SYN3: variants seen among roughly 807,000 people sequenced by gnomAD.
The protein encoded by SYN3 is synapsin III, also known as synapsin-3.
SYN3 carries 35 observed loss-of-function variants against 65.8 expected under a neutral mutation model. The ratio of observed to expected loss-of-function variants is 0.53; its 90% CI spans 0.41 to 0.70. The LOEUF (loss-of-function observed/expected upper bound fraction) is 0.70, where lower values mean the gene tolerates loss of function less well. Among genes scored for constraint, SYN3 ranks in the 30% least tolerant of loss-of-function variants. The pLI, the probability that SYN3 is intolerant of heterozygous loss-of-function variation, is 0.00. For synonymous variants in SYN3, 270 were observed against 292.9 expected (o/e 0.92, Z 0.80); for missense variants, 680 against 749.0 (o/e 0.91, Z 1.08).
chr22:32,706,575 G>A (rs983811063), intron 6 of SYN3, among the ~76,000 whole-genome samples: 2 of 152,226 alleles, frequency 1.3e-5, no homozygotes, highest in Non-Finnish European at 2.9e-5. Context: ...GAATTCTTCA[G>A]GCAGAAGTGG....
intron 6 of SYN3, among the ~76,000 whole-genome samples, chr22:32,840,686 G>A (rs113966401): frequency 6.6e-6 from 1 of 152,038 alleles, no homozygotes; most frequent in Non-Finnish European, 1.5e-5. Context: ...TTCCTCCTCT[G>A]GATTCAGACG....
intron 6 of SYN3, among the ~76,000 whole-genome samples, chr22:32,756,988 T>G (rs2045308296): frequency 6.6e-6 from 1 of 150,982 alleles, no homozygotes; most frequent in African/African-American, 2.4e-5. Flanking sequence ...GATTAACAAC[T>G]GTCGGAAATG....
chr22:32,716,719 T>C (rs916409686), intron 6 of SYN3, among the ~76,000 whole-genome samples: 3 of 152,040 alleles, frequency 2.0e-5, no homozygotes, highest in Admixed American at 6.6e-5. Context: ...GACAGGGTTT[T>C]GCCATGTTGC....
intron 6 of SYN3, among the ~76,000 whole-genome samples, chr22:32,740,409 G>A (rs2061389673): frequency 6.6e-6 from 1 of 152,188 alleles, no homozygotes; most frequent in African/African-American, 2.4e-5. Context: ...ACCCTTTGAG[G>A]GAACTGGTCA....
rs545616109 is a variant in SYN3, at chr22:32,687,802, T to C, written c.712-91066A>G. On this transcript the variant is annotated intron_variant, in intron 6 of 13. Coordinates refer to ENST00000358763, the MANE Select transcript of SYN3 (RefSeq NM_003490.4). ...TCTCTGTTCACATCTCTCCCTATTGTTAATTCCAAAGAATCCCTGTGGTCT... is the reference window on the plus strand; with the variant it reads ...TCTCTGTTCACATCTCTCCCTATTGCTAATTCCAAAGAATCCCTGTGGTCT... 3.3e-5 allele frequency among the ~76,000 whole-genome samples: 5 copies of C among 152,302 alleles called. No individual in the cohort carries two copies. In the South Asian group the frequency reaches 1.0e-3, roughly 32 times the overall value.
intron 6 of SYN3, among the ~76,000 whole-genome samples, chr22:32,699,923 G>A (rs566692615): frequency 6.6e-6 from 1 of 152,204 alleles, no homozygotes; most frequent in Admixed American, 6.5e-5. Flanking sequence ...AAATAGAAGA[G>A]CACTTTGAGG....
At chr22:32,960,132 G>A (rs191945864) in intron 3 of SYN3, among the ~76,000 whole-genome samples, 13 of 152,262 alleles carry the variant, frequency 8.5e-5, no homozygotes, top group Admixed American at 1.3e-4. Flanking sequence ...TTTGACCCCT[G>A]GGCCTTGCTG....
intron 5 of SYN3, among the ~76,000 whole-genome samples, chr22:32,866,341 CAGGG>C (rs1183412768): frequency 1.3e-5 from 2 of 152,158 alleles, no homozygotes; most frequent in African/African-American, 4.8e-5. Flanking sequence ...TGCAGCACAA[CAGGG>C]AGTCAACTTC....
intron 6 of SYN3, among the ~76,000 whole-genome samples, chr22:32,697,023 C>G (rs1267751462): frequency 6.6e-6 from 1 of 152,188 alleles, no homozygotes; most frequent in Non-Finnish European, 1.5e-5. Flanking sequence ...TCCACAGAAC[C>G]ATAACTCACT....
At position 32,564,953 on chromosome 22, in the gene SYN3, CTGGA is replaced by C. The variant is rs1178305074; in HGVS notation, c.775-23244_775-23241del. Among the ~76,000 whole-genome samples the C allele has an allele frequency of 2.9e-3, 261 of 91,504 alleles. 8 individuals are homozygous for C. The East Asian group carries it at 0.066, about 23-fold the overall frequency. The allele number at this position is 91,504 out of a possible 152,430, so 60.0% of individuals were successfully genotyped here. ...CCCGGATTGTACCCAAACAGTGCTCCTGGACTGCACCCAAACAGTGCTCCTGGAC... is the reference window on the plus strand; with the variant it reads ...CCCGGATTGTACCCAAACAGTGCTCCCTGCACCCAAACAGTGCTCCTGGAC... On this transcript the variant is annotated intron_variant, in intron 7 of 13. Coordinates refer to ENST00000358763, the MANE Select transcript of SYN3 (RefSeq NM_003490.4).
At chr22:32,551,545 G>C (rs920964739) in intron 7 of SYN3, among the ~76,000 whole-genome samples, 8 of 151,480 alleles carry the variant, frequency 5.3e-5, no homozygotes, top group African/African-American at 1.9e-4. Flanking sequence ...AAAAACAGAG[G>C]AGACTGAACT....
At chr22:32,578,511 A>C (rs1347882622) in intron 7 of SYN3, among the ~76,000 whole-genome samples, 2 of 152,124 alleles carry the variant, frequency 1.3e-5, no homozygotes, top group Non-Finnish European at 2.9e-5. Flanking sequence ...CTGCCTCCCA[A>C]AGTGTTGGGA....
intron 3 of SYN3, among the ~76,000 whole-genome samples, chr22:32,938,595 G>A (rs984000790): frequency 4.6e-5 from 7 of 151,434 alleles, no homozygotes; most frequent in Non-Finnish European, 8.8e-5. Flanking sequence ...AACAACTGTC[G>A]GTATGGAATA....
At chr22:32,991,061 T>C (rs1344300693) in intron 2 of SYN3, among the ~76,000 whole-genome samples, 2 of 152,086 alleles carry the variant, frequency 1.3e-5, no homozygotes, top group Admixed American at 1.3e-4. Context: ...GTGGTGCCTG[T>C]AGTCCCAGCT....
At chr22:32,977,735 T>C (rs1366177383) in intron 3 of SYN3, among the ~76,000 whole-genome samples, 4 of 138,160 alleles carry the variant, frequency 2.9e-5, no homozygotes, top group Admixed American at 7.6e-5. Flanking sequence ...AGGGTGAGAC[T>C]GTCTCCAAAA....
intron 4 of SYN3, among the ~76,000 whole-genome samples, chr22:32,874,434 G>A (rs542340226): frequency 8.6e-4 from 131 of 152,342 alleles, no homozygotes; most frequent in African/African-American, 3.1e-3. Flanking sequence ...CGGTAAAGAT[G>A]GGACAGGTGA....
At chr22:32,683,981 T>C (rs2060557266) in intron 6 of SYN3, among the ~76,000 whole-genome samples, 2 of 152,212 alleles carry the variant, frequency 1.3e-5, no homozygotes, top group African/African-American at 4.8e-5. Flanking sequence ...ATTGTTGTTT[T>C]GCTGCATTCG....
At chr22:33,008,766 T>A (rs2053262980) in intron 1 of SYN3, among the ~76,000 whole-genome samples, 2 of 150,492 alleles carry the variant, frequency 1.3e-5, no homozygotes, top group African/African-American at 5.0e-5. Context: ...GTAAAAATAA[T>A]TTTTTTTAAA....
rs190033600 is a variant in SYN3 at position 32,722,884 on chromosome 22, A to T, written c.712-126148T>A. ...CGAGGGCGGGAGTAGGAGATGTGAA[A>T]TATGGGAATAATAATAAAAGCCTAT... On this transcript the variant is annotated intron_variant, in intron 6 of 13. Coordinates refer to ENST00000358763, the MANE Select transcript of SYN3 (RefSeq NM_003490.4). Among the ~76,000 whole-genome samples the T allele has an allele frequency of 3.3e-5, 5 of 152,376 alleles. No individual in the cohort carries two copies. The East Asian group carries it at 9.6e-4, about 29-fold the overall frequency.
Sources: allele counts gnomAD v4.1 joint callset (sites outside exome capture counted in the v4.1 genomes callset), GRCh38; gene constraint gnomAD v4.1.1; transcripts MANE v1.5; gene names NCBI Gene and HGNC (gene_info 2026-07-23, HGNC 2026-07-21).